CNTNAP2: variants seen among roughly 807,000 people sequenced by gnomAD.
The protein encoded by CNTNAP2 is contactin-associated protein-like 2.
A neutral mutation model predicts 155.2 loss-of-function variants in CNTNAP2; 98 were observed. That is an observed-to-expected ratio of 0.63 (90% CI 0.54 to 0.75). The LOEUF is 0.75. Among genes scored for constraint, CNTNAP2 ranks in the 30% least tolerant of loss-of-function variants. The pLI, the probability that CNTNAP2 is intolerant of heterozygous loss-of-function variation, is 0.00. For synonymous variants in CNTNAP2, 651 were observed against 631.2 expected, an observed-to-expected ratio of 1.03 and a Z score of -0.47; for missense variants, 1,727 against 1,688.1, an observed-to-expected ratio of 1.02 and a Z score of -0.40.
At chr7:146,852,892 C>G (rs1290744786) in intron 3 of CNTNAP2, among the ~76,000 whole-genome samples, 1 of 152,184 alleles carries the variant, frequency 6.6e-6, no homozygotes, top group African/African-American at 2.4e-5. Context: ...ATGCACTTAG[C>G]AAGCACAATT....
At chr7:146,695,801 G>C (rs995104500) in intron 1 of CNTNAP2, among the ~76,000 whole-genome samples, 1 of 152,022 alleles carries the variant, frequency 6.6e-6, no homozygotes, top group African/African-American at 2.4e-5. Flanking sequence ...ATATTTTGTT[G>C]AATGGCTAAA....
chr7:148,384,714 A>G (rs1799151411), intron 22 of CNTNAP2, among the ~76,000 whole-genome samples: 1 of 152,206 alleles, frequency 6.6e-6, no homozygotes, highest in African/African-American at 2.4e-5. Flanking sequence ...AAAAAGAGGA[A>G]GAAGATGAGG....
chr7:146,715,408 T>A (rs1296519305), intron 1 of CNTNAP2, among the ~76,000 whole-genome samples: 1 of 152,236 alleles, frequency 6.6e-6, no homozygotes, highest in African/African-American at 2.4e-5. Context: ...CTTTGGTGAC[T>A]CTGTATATTA....
chr7:146,913,318 A>G (rs557550339), intron 3 of CNTNAP2, among the ~76,000 whole-genome samples: 1 of 152,256 alleles, frequency 6.6e-6, no homozygotes, highest in Admixed American at 6.5e-5. Flanking sequence ...TCATTCAGAG[A>G]AGGCACTGGA....
At chr7:147,707,953 T>C (rs1233956977) in intron 13 of CNTNAP2, among the ~76,000 whole-genome samples, 2 of 152,030 alleles carry the variant, frequency 1.3e-5, no homozygotes, top group African/African-American at 2.4e-5. Flanking sequence ...GGGTAGGTGG[T>C]TTCCAGGCCC....
intron 8 of CNTNAP2, among the ~76,000 whole-genome samples, chr7:147,157,047 A>T (rs902684923): frequency 6.6e-6 from 1 of 152,108 alleles, no homozygotes; most frequent in African/African-American, 2.4e-5. Flanking sequence ...GTCTCCAGGC[A>T]TGGCTTTTTG....
At chr7:146,318,611 C>T (rs995910771) in intron 1 of CNTNAP2, among the ~76,000 whole-genome samples, 1 of 152,028 alleles carries the variant, frequency 6.6e-6, no homozygotes, top group African/African-American at 2.4e-5. Flanking sequence ...AAAACACACA[C>T]CTTAAGCAAA....
At chr7:146,325,747 T>C (rs1004141538) in intron 1 of CNTNAP2, among the ~76,000 whole-genome samples, 6 of 152,134 alleles carry the variant, frequency 3.9e-5, no homozygotes, top group Admixed American at 3.9e-4. Context: ...TCATTCCTAC[T>C]TTCCCTGCTT....
chr7:147,680,581 C>G (rs1795933679), intron 13 of CNTNAP2, among the ~76,000 whole-genome samples: 1 of 151,842 alleles, frequency 6.6e-6, no homozygotes, highest in Non-Finnish European at 1.5e-5. Flanking sequence ...TTCAGGAAAC[C>G]TAAGCCGTTG....
At chr7:147,030,961 T>C (rs922103712) in intron 3 of CNTNAP2, among the ~76,000 whole-genome samples, 21 of 152,210 alleles carry the variant, frequency 1.4e-4, no homozygotes, top group African/African-American at 4.6e-4. Context: ...TACAAATAGG[T>C]CTACTCTTCT....
intron 4 of CNTNAP2, among the ~76,000 whole-genome samples, chr7:147,084,657 C>G (rs936884019): frequency 1.4e-5 from 2 of 145,964 alleles, no homozygotes; most frequent in African/African-American, 5.0e-5. Flanking sequence ...ATACCATATA[C>G]TATATAATAT....
Position 146,839,870 on chromosome 7 carries a change from A to T in CNTNAP2, c.368A>T (p.Asn123Ile). 1 of 1,614,214 alleles carries T rather than the reference A, an allele frequency of 6.2e-7. No individual in the cohort carries two copies. The change falls in exon 3 of 24, where the codon AAC becomes ATC. Residue 123 changes from asparagine to isoleucine, a missense_variant. By Grantham distance (149) the Asn-to-Ile change is moderately radical (BLOSUM62 -3). Transcript: ENST00000361727. The part of the protein sequence containing the change: ...YRMLYSDTGR[N>I]WKPYHQDGNI... ...ATGCTCTACAGCGACACAGGGAGAAACTGGAAACCCTATCATCAAGATGGG... is the reference window on the plus strand; with the variant it reads ...ATGCTCTACAGCGACACAGGGAGAATCTGGAAACCCTATCATCAAGATGGG...
chr7:146,994,729 G>T (rs1206356949), intron 3 of CNTNAP2, among the ~76,000 whole-genome samples: 3 of 152,032 alleles, frequency 2.0e-5, no homozygotes, highest in Non-Finnish European at 4.4e-5. Context: ...ACACACATGG[G>T]TGTTAATGGA....
chr7:148,226,531 G>A (rs920803396), intron 19 of CNTNAP2, among the ~76,000 whole-genome samples: 5 of 152,194 alleles, frequency 3.3e-5, no homozygotes, highest in African/African-American at 9.6e-5. Context: ...TTCCCAATCA[G>A]ATCTCAGGAG....
intron 10 of CNTNAP2, among the ~76,000 whole-genome samples, chr7:147,398,628 A>G (rs1048610309): frequency 1.0e-5 from 1 of 98,280 alleles, no homozygotes; most frequent in East Asian, 2.9e-4. Flanking sequence ...GTAGATTTGC[A>G]TGTGGCTTAT....
intron 1 of CNTNAP2, among the ~76,000 whole-genome samples, chr7:146,571,387 T>C (rs1798437710): frequency 1.3e-5 from 2 of 152,120 alleles, no homozygotes; most frequent in Admixed American, 1.3e-4. Context: ...TAAAAATATT[T>C]TATGTGAAAA....
chr7:146,538,223 A>G (rs1440162597), intron 1 of CNTNAP2, among the ~76,000 whole-genome samples: 1 of 152,114 alleles, frequency 6.6e-6, no homozygotes, highest in African/African-American at 2.4e-5. Flanking sequence ...GATATGGGCT[A>G]TATTAATCAA....
At chr7:147,653,483 A>G (rs1795478291) in intron 13 of CNTNAP2, among the ~76,000 whole-genome samples, 1 of 152,234 alleles carries the variant, frequency 6.6e-6, no homozygotes, top group African/African-American at 2.4e-5. Flanking sequence ...TATCAGAGAT[A>G]TTGAGACTTA....
At chr7:147,751,091 T>G (rs1041954272) in intron 13 of CNTNAP2, among the ~76,000 whole-genome samples, 14 of 151,082 alleles carry the variant, frequency 9.3e-5, no homozygotes, top group Admixed American at 2.6e-4. Context: ...TAAAAAAAAT[T>G]TCCAGGCTTT....
Sources: allele counts gnomAD v4.1 joint callset (sites outside exome capture counted in the v4.1 genomes callset), GRCh38; gene constraint gnomAD v4.1.1; transcripts MANE v1.5; gene names NCBI Gene and HGNC (gene_info 2026-07-23, HGNC 2026-07-21).